NGEF: variants seen among roughly 807,000 people sequenced by gnomAD.
NGEF encodes neuronal guanine nucleotide exchange factor.
In NGEF, 31 loss-of-function variants were observed where a neutral mutation model predicts 80.9. The ratio of observed to expected loss-of-function variants is 0.38; its 90% confidence interval spans 0.29 to 0.52. The LOEUF (loss-of-function observed/expected upper bound fraction) is 0.52, where lower values mean the gene tolerates loss of function less well. Ranked by LOEUF, NGEF falls within the 20% of genes least tolerant of loss-of-function variation. The probability of loss-of-function intolerance (pLI) is 0.84; values close to 1 mark genes in which losing one functional copy is unlikely to be tolerated. For synonymous variants in NGEF, 371 were observed against 370.2 expected, an observed-to-expected ratio of 1.00 and a Z score of -0.03; for missense variants, 709 against 926.2, an observed-to-expected ratio of 0.77 and a Z score of 3.04.
intron 3 of NGEF, among the ~76,000 whole-genome samples, chr2:232,939,996 TAA>T (rs36064060): frequency 5.8e-4 from 83 of 143,364 alleles, no homozygotes; most frequent in Non-Finnish European, 6.7e-4. Flanking sequence ...GACTCCATCT[TAA>T]AAAAAAAAAA....
chr2:232,951,593 A>G (rs1360382016), intron 3 of NGEF, among the ~76,000 whole-genome samples: 1 of 152,196 alleles, frequency 6.6e-6, no homozygotes, highest in Admixed American at 6.5e-5. Flanking sequence ...GCCAGCGCCA[A>G]TTACCCATGT....
chr2:232,988,504 G>A (rs1338048141), intron 1 of NGEF, among the ~76,000 whole-genome samples: 3 of 152,224 alleles, frequency 2.0e-5, no homozygotes, highest in Admixed American at 1.3e-4. Flanking sequence ...GCAGCAGGCA[G>A]CCGCCATCCC....
At chr2:232,897,574 G>A (rs1692140090) in intron 5 of NGEF, among the ~76,000 whole-genome samples, 1 of 152,134 alleles carries the variant, frequency 6.6e-6, no homozygotes, top group Admixed American at 6.5e-5. Flanking sequence ...ACCTGGCAGA[G>A]CACTCTAAAA....
chr2:232,920,829 CG>C (rs1692927731), intron 4 of NGEF, among the ~76,000 whole-genome samples: 1 of 152,066 alleles, frequency 6.6e-6, no homozygotes, highest in Admixed American at 6.6e-5. Context: ...AAGAAATGCC[CG>C]AATGGACTCA....
Position 232,881,708 on chromosome 2 carries a change from AG to A in NGEF, c.1838-459del, listed in dbSNP as rs369166406. 5.5e-3 allele frequency among the ~76,000 whole-genome samples: 833 copies of A among 152,146 alleles called. 5 individuals carry two copies. The highest frequency in any genetic ancestry group is 8.9e-3 in the Non-Finnish European group (604 of 67,966). ...AGGAATTCTCATGCCTCAGCTTCCA[AG>A]TAGTTAGGATTACAGGCACGCACCA... On this transcript the variant is annotated intron_variant, in intron 13 of 14. Transcript: ENST00000264051.
At chr2:232,923,991 C>A (rs910327423) in intron 4 of NGEF, among the ~76,000 whole-genome samples, 2 of 152,114 alleles carry the variant, frequency 1.3e-5, no homozygotes, top group African/African-American at 4.8e-5. Context: ...AATCCCAGCA[C>A]TTTGGGAGGC....
chr2:232,917,743 T>C (rs1349026904), intron 5 of NGEF, among the ~76,000 whole-genome samples: 1 of 152,144 alleles, frequency 6.6e-6, no homozygotes, highest in East Asian at 1.9e-4. Context: ...ATATAATGGG[T>C]TTAGATTTCT....
intron 5 of NGEF, among the ~76,000 whole-genome samples, chr2:232,903,006 A>ACAAAG (rs1288537409): frequency 2.0e-4 from 30 of 151,772 alleles, no homozygotes; most frequent in African/African-American, 6.3e-4. Flanking sequence ...CAAAACAAAA[A>ACAAAG]CAAAACAAAA....
At chr2:232,883,083 G>GCA in intron 12 of NGEF, among the ~76,000 whole-genome samples, 1 of 142,404 alleles carries the variant, frequency 7.0e-6, no homozygotes, top group South Asian at 2.3e-4. Flanking sequence ...ACACACACAC[G>GCA]CACACACGCA....
At chr2:232,913,312 G>A (rs1692727383) in intron 5 of NGEF, among the ~76,000 whole-genome samples, 1 of 152,124 alleles carries the variant, frequency 6.6e-6, no homozygotes, top group Non-Finnish European at 1.5e-5. Context: ...CTTTGTTACC[G>A]ATTTCTAGTG....
chr2:232,926,749 A>C (rs530178638), intron 4 of NGEF, among the ~76,000 whole-genome samples: 1 of 152,202 alleles, frequency 6.6e-6, no homozygotes, highest in East Asian at 1.9e-4. Flanking sequence ...TCTTTCTGGC[A>C]GAAGTGATAA....
chr2:232,977,557 C>A (rs1694322006), intron 1 of NGEF, among the ~76,000 whole-genome samples: 1 of 152,202 alleles, frequency 6.6e-6, no homozygotes, highest in African/African-American at 2.4e-5. Context: ...CCACCTCACC[C>A]AAACCCTTGC....
Position 232,892,488 on chromosome 2 carries a change from C to A in NGEF, c.1142+410G>T, listed in dbSNP as rs982088823. On this transcript the variant is annotated intron_variant, in intron 7 of 14. Transcript: ENST00000264051. This position sits in a 1 kb window ranked among gnomAD's most constrained non-coding sequence, Gnocchi z 4.0. ...ATGCCCCGGCGCTGCTGGAGGAGCC[C>A]CACCGAGGCTCCTTCCCATCCTGTC... 1.2e-4 allele frequency among the ~76,000 whole-genome samples: 18 copies of A among 152,178 alleles called. No individual in the cohort carries two copies. The highest frequency in any genetic ancestry group is 4.3e-4 in the African/African-American group (18 of 41,440).
chr2:232,952,993 A>C (rs1249063559), intron 3 of NGEF, among the ~76,000 whole-genome samples: 4 of 133,114 alleles, frequency 3.0e-5, no homozygotes, highest in East Asian at 2.4e-4. Flanking sequence ...AAAAAAAAAA[A>C]AAAAACAACA....
At chr2:232,902,605 C>T (rs967465) in intron 5 of NGEF, among the ~76,000 whole-genome samples, 121,955 of 152,258 alleles carry the variant, frequency 0.8, 49,020 homozygotes, top group African/African-American at 0.85. Flanking sequence ...TAAAATCATT[C>T]GCAAAAATGT....
chr2:232,998,027 C>T (rs1694890455), intron 1 of NGEF, among the ~76,000 whole-genome samples: 1 of 152,164 alleles, frequency 6.6e-6, no homozygotes, highest in African/African-American at 2.4e-5. Flanking sequence ...GGTTTCTGAG[C>T]AGGAGGTCAC....
chr2:232,949,972 C>T (rs1201429520), intron 3 of NGEF, among the ~76,000 whole-genome samples: 1 of 151,888 alleles, frequency 6.6e-6, no homozygotes, highest in Non-Finnish European at 1.5e-5. Flanking sequence ...CCACCATGCC[C>T]GGCTAATTTC....
In NGEF at chr2:232,882,605, A is replaced by G. The variant is rs1002088266; in HGVS notation, c.1758-340T>C. On this transcript the variant is annotated intron_variant, in intron 12 of 14. Transcript: ENST00000264051. ...TGGCCACAGCCACGCCACCAAAGCC[A>G]CAGTTTCTCATCCCGACAGGTCCTG... Among the ~76,000 whole-genome samples the G allele has an allele frequency of 2.0e-5, 3 of 152,238 alleles. 1 individual carries two copies. Among genetic ancestry groups the G allele is most frequent in the African/African-American group, 7.2e-5 (3 of 41,460 alleles).
intron 3 of NGEF, among the ~76,000 whole-genome samples, chr2:232,953,315 A>G (rs1194238955): frequency 8.7e-5 from 13 of 150,056 alleles, no homozygotes; most frequent in African/African-American, 2.2e-4. Flanking sequence ...AAAAAAAAAA[A>G]AAAAAGAAAA....
Sources: allele counts gnomAD v4.1 joint callset (sites outside exome capture counted in the v4.1 genomes callset), GRCh38; gene constraint gnomAD v4.1.1; non-coding constraint Gnocchi (gnomAD v3.1); transcripts MANE v1.5; gene names NCBI Gene and HGNC (gene_info 2026-07-23, HGNC 2026-07-21).